EHD4: variants seen among roughly 807,000 people sequenced by gnomAD.
The protein encoded by EHD4 is EH domain containing 4, also known as EH domain-containing protein 4.
A neutral mutation model predicts 51.0 loss-of-function variants in EHD4; 37 were observed. The observed-to-expected ratio is 0.73, with a 90% CI of 0.56 to 0.95. The LOEUF is 0.95. EHD4 is among the 40% of genes least tolerant of loss of function. EHD4 has a pLI of 0.00. For missense variants in EHD4, 632 were observed against 733.1 expected (o/e 0.86, Z 1.59); for synonymous variants, 297 against 317.3 (o/e 0.94, Z 0.68).
chr15:41,919,552 A>G lies in EHD4; in HGVS notation c.582T>C (p.Ala194=), dbSNP rs962553408. 2 of 1,529,204 alleles carry G rather than the reference A, an allele frequency of 1.3e-6. No individual in the cohort carries two copies. Among genetic ancestry groups the G allele is most frequent in the African/African-American group, 1.4e-5 (1 of 72,054 alleles). 94.7% of individuals were successfully genotyped at this position (1,529,204 alleles called of 1,614,324 possible). Reference sequence around the variant, plus strand: ...ATTCATCTGAGATGTCCAGCTTGTGAGCGTCAAAGAGCAGGATGATCCTGT... The same window carrying G: ...ATTCATCTGAGATGTCCAGCTTGTGGGCGTCAAAGAGCAGGATGATCCTGT... ...RVDRIILLFD[A]HKLDISDEFS... is the part of the protein sequence containing the mutation. Residue 194 remains alanine, a synonymous_variant, in exon 4 of 6, where the codon GCT becomes GCC. Transcript: ENST00000220325.
chr15:41,915,878 C>T (rs954244559), intron 4 of EHD4, among the ~76,000 whole-genome samples: 1 of 152,042 alleles, frequency 6.6e-6, no homozygotes, highest in Non-Finnish European at 1.5e-5. Context: ...TTCCCTGTTC[C>T]TTAAATACAG....
At chr15:41,933,194 T>C (rs899289324) in intron 3 of EHD4, among the ~76,000 whole-genome samples, 2 of 152,184 alleles carry the variant, frequency 1.3e-5, no homozygotes, top group Admixed American at 6.5e-5. Flanking sequence ...CCTGAAAGCC[T>C]TGTTATTTTC....
chr15:41,957,180 A>G (rs1205820863), intron 1 of EHD4, among the ~76,000 whole-genome samples: 2 of 152,106 alleles, frequency 1.3e-5, no homozygotes, highest in African/African-American at 4.8e-5. Flanking sequence ...ACATACAAAA[A>G]TTAGCCAGGT....
intron 3 of EHD4, among the ~76,000 whole-genome samples, chr15:41,931,113 T>C (rs1234293423): frequency 2.0e-5 from 3 of 152,198 alleles, no homozygotes; most frequent in African/African-American, 7.2e-5. Flanking sequence ...CATCTTAGAG[T>C]TACATCTGCA....
Position 41,956,314 on chromosome 15 carries a change from GGC to G in EHD4, c.237-2376_237-2375del, listed in dbSNP as rs1202904081. Among the ~76,000 whole-genome samples the G allele has an allele frequency of 6.7e-5, 10 of 149,962 alleles. No individual in the cohort carries two copies. In the East Asian group the frequency reaches 2.0e-3, roughly 29 times the overall value. On this transcript the variant is annotated intron_variant, in intron 1 of 5. Transcript: ENST00000220325. ...CCTTCTCGGCACCTTCACCAAGCCT[GGC>G]CAGGAGGAGGCCCTTCAGATTCCGG... is the stretch of plus-strand genomic sequence containing the variant.
intron 5 of EHD4, among the ~76,000 whole-genome samples, chr15:41,905,336 TA>T (rs1336149266): frequency 2.0e-5 from 3 of 152,200 alleles, no homozygotes; most frequent in Admixed American, 6.5e-5. Flanking sequence ...CTGCAGCTTC[TA>T]GGGGTTGGCA....
At chr15:41,905,051 G>T (rs751971501) in intron 5 of EHD4, among the ~76,000 whole-genome samples, 1 of 152,238 alleles carries the variant, frequency 6.6e-6, no homozygotes, top group Non-Finnish European at 1.5e-5. Flanking sequence ...CCTGATATGT[G>T]CAAAGATCAC....
intron 1 of EHD4, among the ~76,000 whole-genome samples, chr15:41,959,313 G>A (rs1252395578): frequency 1.3e-5 from 2 of 149,038 alleles, no homozygotes; most frequent in Admixed American, 6.7e-5. Context: ...GGAGAATGGC[G>A]TGAACCCGGG....
At chr15:41,940,904 G>C (rs1165816281) in intron 3 of EHD4, among the ~76,000 whole-genome samples, 1 of 152,202 alleles carries the variant, frequency 6.6e-6, no homozygotes, top group Non-Finnish European at 1.5e-5. Context: ...AATGCATATG[G>C]TGGGAGCCAA....
At chr15:41,931,110 G>C (rs2067695420) in intron 3 of EHD4, among the ~76,000 whole-genome samples, 1 of 152,198 alleles carries the variant, frequency 6.6e-6, no homozygotes, top group Non-Finnish European at 1.5e-5. Flanking sequence ...ATGCATCTTA[G>C]AGTTACATCT....
At position 41,898,569 on chromosome 15, in the gene EHD4, A is replaced by G. The variant is rs910006660; in HGVS notation, c.*2076T>C. ...CTTCAGGTGGTCCTCACGCATTCAC[A>G]GAACTGTCTGCTTAGGTTACAGCAC... On this transcript the variant is annotated 3_prime_UTR_variant, in exon 6 of 6. Transcript: ENST00000220325. 6.6e-6 allele frequency: 1 copy of G among 152,232 alleles called. No homozygotes were observed. Among genetic ancestry groups the G allele is most frequent in the African/African-American group, 2.4e-5 (1 of 41,458 alleles). The allele number at this position is 152,232 out of a possible 1,614,324, so 9.4% of individuals were successfully genotyped here. A position where few individuals can be genotyped will look rare whatever the true frequency, so the allele number is the denominator to read the frequency against.
At chr15:41,947,602 CA>C (rs1180767495) in intron 2 of EHD4, among the ~76,000 whole-genome samples, 1 of 152,144 alleles carries the variant, frequency 6.6e-6, no homozygotes, top group East Asian at 1.9e-4. Flanking sequence ...ACACAACCCA[CA>C]AAAAAGACTT....
In EHD4 at chr15:41,972,528, C is replaced by T. The variant is rs1164489760; in HGVS notation, c.-34G>A. On this transcript the variant is annotated 5_prime_UTR_variant, in exon 1 of 6. Transcript: ENST00000220325. ...CAGTCCACGCTCGGATGGGACCCTG[C>T]TCCGGGTTCGACTCTCCCCGGCTCG... 6.8e-7 allele frequency: 1 copy of T among 1,459,884 alleles called. No individual in the cohort carries two copies. Among genetic ancestry groups the T allele is most frequent in the Non-Finnish European group, 9.0e-7 (1 of 1,110,744 alleles). The allele number at this position is 1,459,884 out of a possible 1,614,324, so 90.4% of individuals were successfully genotyped here. A position where few individuals can be genotyped will look rare whatever the true frequency, so the allele number is the denominator to read the frequency against.
chr15:41,938,734 G>T (rs1455279399), intron 3 of EHD4, among the ~76,000 whole-genome samples: 2 of 152,198 alleles, frequency 1.3e-5, no homozygotes, highest in Non-Finnish European at 2.9e-5. Context: ...TCTATTGAAG[G>T]CTACGCAAAA....
chr15:41,955,762 G>A (rs1450626851), intron 1 of EHD4, among the ~76,000 whole-genome samples: 1 of 152,192 alleles, frequency 6.6e-6, no homozygotes, highest in Non-Finnish European at 1.5e-5. Context: ...TGCCCACTCT[G>A]TGAAACTCCA....
At position 41,953,720 on chromosome 15, in the gene EHD4, G is replaced by T. The variant is rs753610114; in HGVS notation, c.413+44C>A. The T allele has an allele frequency of 5.2e-6, 8 of 1,547,408 alleles. No homozygotes were observed. The East Asian group carries it at 1.8e-4, about 36-fold the overall frequency. On this transcript the variant is annotated intron_variant, in intron 2 of 5. Coordinates refer to ENST00000220325, the MANE Select transcript of EHD4 (RefSeq NM_139265.4). ...GTAACTGGCAGTAATTCAAAGAAAA[G>T]GTTTAAACAGCCTGACCGAAGATGG...
chr15:41,959,033 T>C (rs371666063), intron 1 of EHD4, among the ~76,000 whole-genome samples: 1 of 152,218 alleles, frequency 6.6e-6, no homozygotes, highest in Non-Finnish European at 1.5e-5. Flanking sequence ...TTAAAAATAA[T>C]ACGGCACATA....
At chr15:41,903,617 T>C (rs2067493529) in intron 5 of EHD4, among the ~76,000 whole-genome samples, 1 of 152,172 alleles carries the variant, frequency 6.6e-6, no homozygotes, top group Non-Finnish European at 1.5e-5. Context: ...CCATTCTTAA[T>C]TAACCCTGTC....
chr15:41,946,348 G>A (rs568184970), intron 2 of EHD4, among the ~76,000 whole-genome samples: 1 of 152,166 alleles, frequency 6.6e-6, no homozygotes, highest in Non-Finnish European at 1.5e-5. Flanking sequence ...GTCTAAGGAA[G>A]GGCCAGGGGT....
Sources: gnomAD v4.1 joint callset for allele counts (sites outside exome capture counted in the v4.1 genomes callset) on GRCh38, gnomAD v4.1.1 for gene constraint, MANE v1.5 for transcripts, NCBI Gene and HGNC (gene_info 2026-07-23, HGNC 2026-07-21) for gene names.